Variants in GRIK2 observed in about 807,000 individuals in gnomAD.
GRIK2 encodes the protein glutamate ionotropic receptor kainate type subunit 2.
A neutral mutation model predicts 100.3 loss-of-function variants in GRIK2; 32 were observed. The observed-to-expected ratio is 0.32, with a 90% CI of 0.24 to 0.43. GRIK2 has a LOEUF of 0.43. Ranked by LOEUF, GRIK2 falls within the 20% of genes least tolerant of loss-of-function variation. GRIK2 has a pLI of 1.00. For missense variants in GRIK2, 843 were observed against 1,114.9 expected, an observed-to-expected ratio of 0.76 and a Z score of 3.47; for synonymous variants, 417 against 389.4, an observed-to-expected ratio of 1.07 and a Z score of -0.83.
At chr6:101,399,424 T>G in intron 2 of GRIK2, 32 bp downstream of exon 2, 3 of 1,088,578 alleles carry the variant, frequency 2.8e-6, no homozygotes, top group Non-Finnish European at 4.3e-6. Flanking sequence ...GGTTGCCTGG[T>G]ATCCGCTCCC....
chr6:101,729,445 A>G (rs896953210), intron 7 of GRIK2, among the ~76,000 whole-genome samples: 3 of 151,948 alleles, frequency 2.0e-5, no homozygotes, highest in Non-Finnish European at 4.4e-5. Flanking sequence ...TAATTGTTCC[A>G]TGGAGTATGT....
At chr6:101,780,672 CTCT>C (rs1339794124) in intron 7 of GRIK2, among the ~76,000 whole-genome samples, 1 of 152,172 alleles carries the variant, frequency 6.6e-6, no homozygotes, top group Non-Finnish European at 1.5e-5. Flanking sequence ...TTCCACCCCT[CTCT>C]TCTTTTCTCC....
At chr6:101,444,657 A>G (rs1026966181) in intron 2 of GRIK2, among the ~76,000 whole-genome samples, 30 of 152,126 alleles carry the variant, frequency 2.0e-4, no homozygotes, top group Admixed American at 1.7e-3. Flanking sequence ...CAATTCAGGA[A>G]TTGCAATCCT....
intron 4 of GRIK2, among the ~76,000 whole-genome samples, chr6:101,661,454 G>A (rs1333445763): frequency 6.6e-6 from 1 of 152,068 alleles, no homozygotes; most frequent in African/African-American, 2.4e-5. Flanking sequence ...TTGGCTCCCT[G>A]ACTTCAGCCC....
chr6:101,706,118 A>G (rs73510681), intron 7 of GRIK2, among the ~76,000 whole-genome samples: 1 of 151,880 alleles, frequency 6.6e-6, no homozygotes, highest in South Asian at 2.1e-4. Context: ...TTCAAAGATG[A>G]ACATCATGAG....
intron 15 of GRIK2, among the ~76,000 whole-genome samples, chr6:102,038,881 C>T (rs1240036506): frequency 6.6e-6 from 1 of 151,242 alleles, no homozygotes; most frequent in African/African-American, 2.4e-5. Flanking sequence ...TATATGTGAT[C>T]AAAGAGGGGA....
In GRIK2 at chr6:102,062,329, A is replaced by G. The variant is rs1205435196; in HGVS notation, c.2563-6018A>G. On this transcript the variant is annotated intron_variant, in intron 16 of 16. Coordinates refer to ENST00000369134, the MANE Select transcript of GRIK2 (RefSeq NM_021956.5). ...ATTCAAAAAATTTACATTTAGCAAG[A>G]ATAGAGTCCAGGTAAAAAGCTCAGC... 2.7e-5 allele frequency among the ~76,000 whole-genome samples: 4 copies of G among 150,486 alleles called. No homozygotes were observed. The East Asian group carries it at 7.8e-4, about 29-fold the overall frequency.
chr6:101,689,899 A>G (rs1025774876), intron 7 of GRIK2, among the ~76,000 whole-genome samples: 1 of 152,126 alleles, frequency 6.6e-6, no homozygotes, highest in African/African-American at 2.4e-5. Context: ...ATACCTTTCA[A>G]TGAGCGTTAC....
At chr6:101,945,612 C>A (rs942939006) in intron 14 of GRIK2, among the ~76,000 whole-genome samples, 5 of 152,114 alleles carry the variant, frequency 3.3e-5, no homozygotes, top group Admixed American at 6.6e-5. Context: ...AATCAGTAAG[C>A]CATTTAGTAA....
chr6:101,485,818 T>C (rs1466409257), intron 2 of GRIK2, among the ~76,000 whole-genome samples: 1 of 151,990 alleles, frequency 6.6e-6, no homozygotes. Flanking sequence ...TTCTGAACTA[T>C]GATACATGAT....
At chr6:101,954,423 A>C (rs1203505294) in intron 14 of GRIK2, among the ~76,000 whole-genome samples, 6 of 152,040 alleles carry the variant, frequency 3.9e-5, no homozygotes, top group African/African-American at 2.4e-5. Flanking sequence ...TAGATCTTGC[A>C]CTTCTTTAAA....
intron 7 of GRIK2, among the ~76,000 whole-genome samples, chr6:101,710,765 C>A (rs760879020): frequency 3.3e-5 from 5 of 151,642 alleles, no homozygotes; most frequent in Admixed American, 2.6e-4. Context: ...CAGCACCATG[C>A]TTTGTTGAAG....
intron 2 of GRIK2, among the ~76,000 whole-genome samples, chr6:101,545,880 A>G (rs1562215635): frequency 6.6e-6 from 1 of 150,730 alleles, no homozygotes; most frequent in Non-Finnish European, 1.5e-5. Context: ...TCTTACTTTA[A>G]CTCCTTTCTC....
intron 10 of GRIK2, among the ~76,000 whole-genome samples, chr6:101,823,622 GGTT>G (rs1782106440): frequency 1.3e-5 from 2 of 151,888 alleles, no homozygotes; most frequent in African/African-American, 4.8e-5. Context: ...ATTGCATAGA[GGTT>G]GTTAAAATAT....
chr6:101,423,300 G>A (rs1411644282), intron 2 of GRIK2, among the ~76,000 whole-genome samples: 1 of 152,120 alleles, frequency 6.6e-6, no homozygotes, highest in African/African-American at 2.4e-5. Context: ...TTATTCATGT[G>A]AGTAGGGAAG....
At chr6:101,987,920 T>A (rs1056906121) in intron 14 of GRIK2, among the ~76,000 whole-genome samples, 4 of 151,788 alleles carry the variant, frequency 2.6e-5, no homozygotes, top group Admixed American at 6.6e-5. Flanking sequence ...TACCCCTATT[T>A]ATAGATTCCA....
At chr6:101,554,883 G>A (rs1174770440) in intron 2 of GRIK2, among the ~76,000 whole-genome samples, 1 of 151,736 alleles carries the variant, frequency 6.6e-6, no homozygotes. Flanking sequence ...TCAACCATAG[G>A]TATATGTGAC....
chr6:101,541,341 ACC>A (rs1254756424), intron 2 of GRIK2, among the ~76,000 whole-genome samples: 4 of 566 alleles, frequency 7.1e-3, no homozygotes, highest in African/African-American at 0.048. Flanking sequence ...CGCCCAAAGG[ACC>A]GGGTAACAGA....
chr6:101,565,860 G>A (rs1777228785), intron 2 of GRIK2, among the ~76,000 whole-genome samples: 2 of 144,700 alleles, frequency 1.4e-5, no homozygotes, highest in South Asian at 2.2e-4. Flanking sequence ...CACATATTTT[G>A]TGTATTATAT....
Sources: gnomAD v4.1 joint callset for allele counts (sites outside exome capture counted in the v4.1 genomes callset) on GRCh38, gnomAD v4.1.1 for gene constraint, MANE v1.5 for transcripts, NCBI Gene and HGNC (gene_info 2026-07-23, HGNC 2026-07-21) for gene names.